KCNH1: variants seen among roughly 807,000 people sequenced by gnomAD.
KCNH1 encodes potassium voltage-gated channel subfamily H member 1.
In KCNH1, 27 loss-of-function variants were observed where a neutral mutation model predicts 69.2. That is an observed-to-expected ratio of 0.39 (90% confidence interval 0.29 to 0.54). The LOEUF (loss-of-function observed/expected upper bound fraction) is 0.54, where lower values mean the gene tolerates loss of function less well. Among genes scored for constraint, KCNH1 ranks in the 20% least tolerant of loss-of-function variants. The pLI is 0.68. For missense variants in KCNH1, 798 were observed against 1,261.6 expected (o/e 0.63, Z 5.57); for synonymous variants, 456 against 487.7 (o/e 0.93, Z 0.86).
At chr1:210,714,122 G>A (rs1682152045) in intron 10 of KCNH1, among the ~76,000 whole-genome samples, 1 of 152,164 alleles carries the variant, frequency 6.6e-6, no homozygotes, top group Admixed American at 6.5e-5. Context: ...TATGGAGAGA[G>A]GCAACTGGGG....
chr1:210,983,747 C>T (rs550847827), intron 6 of KCNH1, among the ~76,000 whole-genome samples: 13 of 152,176 alleles, frequency 8.5e-5, no homozygotes, highest in Admixed American at 1.3e-4. Context: ...ATCGACTTGG[C>T]GATGCGGGCT....
intron 1 of KCNH1, among the ~76,000 whole-genome samples, chr1:211,129,561 G>A (rs576909019): frequency 1.3e-5 from 2 of 152,296 alleles, no homozygotes; most frequent in East Asian, 3.9e-4. Context: ...GACACTTTCA[G>A]AGAAAGATAG....
intron 7 of KCNH1, among the ~76,000 whole-genome samples, chr1:210,871,910 G>C (rs1686257031): frequency 9.3e-6 from 1 of 107,696 alleles, no homozygotes; most frequent in African/African-American, 3.5e-5. Flanking sequence ...TGTGGGGTGG[G>C]GGGAGGGGGG....
At position 211,134,127 on chromosome 1, in the gene KCNH1, C is replaced by T. The variant is rs573161290; in HGVS notation, c.-182G>A. On this transcript the variant is annotated 5_prime_UTR_variant, in exon 1 of 11. Transcript: ENST00000271751. This position sits in a 1 kb window ranked among gnomAD's most constrained non-coding sequence, Gnocchi z 5.7. ...CTCGCGCCCTCTTCGCGCCTCCCTC[C>T]CTGCGGCCCGCCTCGCAGTGCACTC... 1 of 489,540 alleles carries T rather than the reference C, an allele frequency of 2.0e-6. No homozygotes were observed. The highest frequency in any genetic ancestry group is 2.8e-5 in the South Asian group (1 of 35,628). The allele number at this position is 489,540 out of a possible 1,614,324, so 30.3% of individuals were successfully genotyped here.
chr1:210,888,785 C>T (rs538207626), intron 7 of KCNH1, among the ~76,000 whole-genome samples: 2 of 152,292 alleles, frequency 1.3e-5, no homozygotes, highest in South Asian at 4.1e-4. Context: ...CGCCTCTATG[C>T]GAATGAACTA....
In KCNH1 at chr1:210,920,045, G is replaced by C; in HGVS notation, c.1057C>G (p.Leu353Val). ...AGACGGAGCAGCCGGACAACTTTTA[G>C]AGAGCTGAACAGGCTGCTGATGCCC... The part of the protein sequence containing the change: ...SQGISSLFSS[L>V]KVVRLLRLGR... The change falls in exon 7 of 11, where the codon CTA (leucine) becomes GTA (valine). Residue 353 changes from leucine (L) to valine (V), a missense_variant. By Grantham distance (32) the Leu-to-Val change is conservative (BLOSUM62 1). Coordinates refer to ENST00000271751, the MANE Select transcript of KCNH1 (RefSeq NM_172362.3). The C allele has an allele frequency of 6.2e-7, 1 of 1,613,960 alleles. No individual in the cohort carries two copies. Among genetic ancestry groups the C allele is most frequent in the Non-Finnish European group, 8.5e-7 (1 of 1,179,956 alleles).
intron 10 of KCNH1, among the ~76,000 whole-genome samples, chr1:210,748,988 T>A (rs1289621201): frequency 6.6e-6 from 1 of 152,200 alleles, no homozygotes; most frequent in African/African-American, 2.4e-5. Context: ...CCTGTCCACT[T>A]GGCTCTGCTC....
At position 210,832,789 on chromosome 1, in the gene KCNH1, G is replaced by A. The variant is rs551525993; in HGVS notation, c.1463-28623C>T. On this transcript the variant is annotated intron_variant, in intron 7 of 10. Transcript: ENST00000271751. Reference sequence around the variant, plus strand: ...ACTAGAAGCCACCTCAGAGAAGACCGCAGATAGTCTATGCACTGAAATGTC... The same window carrying A: ...ACTAGAAGCCACCTCAGAGAAGACCACAGATAGTCTATGCACTGAAATGTC... Among the ~76,000 whole-genome samples, 5 of 151,770 alleles carry A rather than the reference G, an allele frequency of 3.3e-5. No homozygotes were observed. The South Asian group carries it at 8.3e-4, about 25-fold the overall frequency.
intron 7 of KCNH1, among the ~76,000 whole-genome samples, chr1:210,837,381 T>C (rs1392950496): frequency 6.6e-6 from 1 of 152,148 alleles, no homozygotes; most frequent in East Asian, 1.9e-4. Context: ...CAAACTCAGA[T>C]TGTGAATTCC....
At position 211,133,996 on chromosome 1, in the gene KCNH1, C is replaced by T. The variant is rs761257188; in HGVS notation, c.-51G>A. The T allele has an allele frequency of 2.0e-6, 3 of 1,524,540 alleles. No homozygotes were observed. The highest frequency in any genetic ancestry group is 1.7e-4 in the Middle Eastern group (1 of 5,900). The allele number at this position is 1,524,540 out of a possible 1,614,324, so 94.4% of individuals were successfully genotyped here. ...GGCGTCCTGGCGCGGCTTCTTACGACAGCAGGAAACTGGCCTCGGGGCCCG... is the reference window on the plus strand; with the variant it reads ...GGCGTCCTGGCGCGGCTTCTTACGATAGCAGGAAACTGGCCTCGGGGCCCG... On this transcript the variant is annotated 5_prime_UTR_variant, in exon 1 of 11. Coordinates refer to ENST00000271751, the MANE Select transcript of KCNH1 (RefSeq NM_172362.3). This position sits in a 1 kb window ranked among gnomAD's most constrained non-coding sequence, Gnocchi z 5.4.
chr1:211,072,187 A>C (rs1690657278), intron 5 of KCNH1, among the ~76,000 whole-genome samples: 1 of 152,174 alleles, frequency 6.6e-6, no homozygotes. Context: ...AAGGCAAGAG[A>C]ATCACTTGAA....
chr1:210,840,169 G>A (rs1293211842), intron 7 of KCNH1, among the ~76,000 whole-genome samples: 2 of 152,100 alleles, frequency 1.3e-5, no homozygotes, highest in Non-Finnish European at 1.5e-5. Context: ...TTTTCTTTTG[G>A]TAAAGGCAAC....
chr1:210,838,802 A>G (rs1038504638), intron 7 of KCNH1, among the ~76,000 whole-genome samples: 3 of 152,206 alleles, frequency 2.0e-5, no homozygotes, highest in African/African-American at 7.2e-5. Flanking sequence ...GCCAAAAAAC[A>G]TATGAAAAAA....
chr1:210,749,169 A>G (rs1316039748), intron 10 of KCNH1, among the ~76,000 whole-genome samples: 4 of 152,114 alleles, frequency 2.6e-5, no homozygotes, highest in African/African-American at 7.2e-5. Context: ...CCAGCCCCTC[A>G]AAAAGAATCC....
At chr1:210,761,247 G>A (rs796912622) in intron 10 of KCNH1, among the ~76,000 whole-genome samples, 110 of 29,456 alleles carry the variant, frequency 3.7e-3, no homozygotes, top group African/African-American at 9.4e-3. Context: ...GCGAGACTCC[G>A]TCAAAAAAAA....
chr1:210,896,988 A>G lies in KCNH1; in HGVS notation c.1462+22652T>C, dbSNP rs115952511. 5.7e-3 allele frequency among the ~76,000 whole-genome samples: 866 copies of G among 152,272 alleles called. 9 individuals are homozygous for G. The highest frequency in any genetic ancestry group is 0.02 in the African/African-American group (831 of 41,558). ...AGTGTATTTTGGTCTTGGCAGACAT[A>G]TCCTTGCCTGTGACTGGCTTCATAC... On this transcript the variant is annotated intron_variant, in intron 7 of 10. Transcript: ENST00000271751.
At chr1:211,043,892 C>G (rs759642814) in intron 5 of KCNH1, among the ~76,000 whole-genome samples, 15 of 152,118 alleles carry the variant, frequency 9.9e-5, no homozygotes, top group Admixed American at 2.6e-4. Flanking sequence ...ATCCAGCATC[C>G]CTTTATGATT....
chr1:210,741,179 G>A (rs1174758813), intron 10 of KCNH1, among the ~76,000 whole-genome samples: 1 of 152,174 alleles, frequency 6.6e-6, no homozygotes, highest in African/African-American at 2.4e-5. Context: ...CTTTCTGAAT[G>A]ATGCCGTCAC....
At chr1:210,983,482 T>C (rs1344628345) in intron 6 of KCNH1, among the ~76,000 whole-genome samples, 1 of 152,270 alleles carries the variant, frequency 6.6e-6, no homozygotes, top group Non-Finnish European at 1.5e-5. Flanking sequence ...TTCAGCTTTC[T>C]ACATATGGCT....
Sources: allele counts gnomAD v4.1 joint callset (sites outside exome capture counted in the v4.1 genomes callset), GRCh38; gene constraint gnomAD v4.1.1; non-coding constraint Gnocchi (gnomAD v3.1); transcripts MANE v1.5; gene names NCBI Gene and HGNC (gene_info 2026-07-23, HGNC 2026-07-21).